The following EIF4B variants were observed in gnomAD, a reference collection of about 807,000 sequenced individuals.
EIF4B encodes eukaryotic translation initiation factor 4B.
EIF4B carries 8 observed loss-of-function variants against 79.3 expected under a neutral mutation model. That is an observed-to-expected ratio of 0.10 (90% CI 0.06 to 0.18). The LOEUF (loss-of-function observed/expected upper bound fraction) is 0.18, where lower values mean the gene tolerates loss of function less well. Among genes scored for constraint, EIF4B ranks in the 10% least tolerant of loss-of-function variants. The pLI, the probability that EIF4B is intolerant of heterozygous loss-of-function variation, is 1.00. For synonymous variants in EIF4B, 238 were observed against 274.7 expected (o/e 0.87, Z 1.32); for missense variants, 515 against 792.4 (o/e 0.65, Z 4.20).
intron 8 of EIF4B, among the ~76,000 whole-genome samples, chr12:53,031,534 A>G (rs935093532): frequency 3.3e-5 from 5 of 152,146 alleles, no homozygotes; most frequent in African/African-American, 1.2e-4. Flanking sequence ...CCCTCGGCCT[A>G]CCAAAGTGCT....
chr12:53,040,009 C>A, intron 14 of EIF4B, 134 bp from the exon 15 acceptor site: 1 of 1,001,470 alleles, frequency 1.0e-6, no homozygotes, highest in Non-Finnish European at 1.5e-6. Flanking sequence ...CTCCAATGGA[C>A]AATGCTGATG....
chr12:53,026,421 A>G (rs2120941174), intron 6 of EIF4B, among the ~76,000 whole-genome samples: 1 of 152,298 alleles, frequency 6.6e-6, no homozygotes, highest in South Asian at 2.1e-4. Flanking sequence ...TGTGTAAAAT[A>G]TAGTTTATAA....
chr12:53,016,453 T>TC lies in EIF4B; in HGVS notation c.14-19dup. The TC allele has an allele frequency of 1.2e-6, 2 of 1,611,946 alleles. No homozygotes were observed. Among genetic ancestry groups the TC allele is most frequent in the Non-Finnish European group, 1.7e-6 (2 of 1,179,788 alleles). On this transcript the variant is annotated intron_variant, in intron 1 of 14. Transcript: ENST00000262056. ...TACCTGAGTATTGGTGAATAATCTT[T>TC]CTCTTGCCTTTTAAAACAGCAAAAA...
intron 5 of EIF4B, 21 bp downstream of exon 5, chr12:53,021,881 T>G: frequency 6.2e-7 from 1 of 1,614,110 alleles, no homozygotes; most frequent in South Asian, 1.1e-5. Context: ...TGGTAGAGAT[T>G]TCTGTTTGGT....
intron 3 of EIF4B, 121 bp from the exon 4 acceptor site, chr12:53,019,788 AC>A: frequency 2.4e-6 from 2 of 841,422 alleles, no homozygotes; most frequent in South Asian, 3.3e-5. Flanking sequence ...TCCTGAGACA[AC>A]CATGTTCTTG....
chr12:53,014,961 A>G (rs561824217), intron 1 of EIF4B: 1 of 152,348 alleles, frequency 6.6e-6, no homozygotes, highest in South Asian at 2.1e-4. Flanking sequence ...CCACAAAGAA[A>G]GAGCAGTGTC....
Position 53,018,828 on chromosome 12 carries a change from A to G in EIF4B, c.182A>G (p.Asp61Gly). 1 of 1,613,208 alleles carries G rather than the reference A, an allele frequency of 6.2e-7. No individual in the cohort carries two copies. Among genetic ancestry groups the G allele is most frequent in the Non-Finnish European group, 8.5e-7 (1 of 1,179,848 alleles). Residue 61 changes from aspartate to glycine, a missense_variant, in exon 3 of 15, where the codon GAT (aspartate) becomes GGT (glycine). Coordinates refer to ENST00000262056, the MANE Select transcript of EIF4B (RefSeq NM_001417.7). ...ACCACTTGGCACAGTAACGATGACG[A>G]TGTGTATAGGGCGCCTCCAATTGAC... is the stretch of plus-strand genomic sequence containing the variant. ...VSTTWHSNDDDVYRAPPIDRS... is the reference protein window; with the variant it reads ...VSTTWHSNDDGVYRAPPIDRS...
chr12:53,023,131 A>C (rs973400005), intron 6 of EIF4B, among the ~76,000 whole-genome samples: 55 of 152,282 alleles, frequency 3.6e-4, no homozygotes, highest in Non-Finnish European at 5.4e-4. Context: ...GTCTCAAAAA[A>C]AAAAATCCAA....
intron 3 of EIF4B, among the ~76,000 whole-genome samples, chr12:53,019,429 A>ATTT (rs1555151897): frequency 2.5e-5 from 1 of 40,316 alleles, no homozygotes; most frequent in Admixed American, 4.0e-4. Flanking sequence ...AAAATTATAT[A>ATTT]TATATATATT....
intron 8 of EIF4B, 145 bp downstream of exon 8, chr12:53,028,333 T>G: frequency 8.5e-7 from 1 of 1,172,760 alleles, no homozygotes; most frequent in Non-Finnish European, 1.2e-6. Flanking sequence ...AGAAAGAGCA[T>G]TGGCTGGCCA....
chr12:53,029,382 T>A (rs893900961), intron 8 of EIF4B, among the ~76,000 whole-genome samples: 18 of 151,050 alleles, frequency 1.2e-4, no homozygotes, highest in African/African-American at 3.6e-4. Context: ...ATTTTATTTT[T>A]TTTTTTTTGA....
intron 6 of EIF4B, chr12:53,025,488 T>A (rs181624454): frequency 4.3e-6 from 1 of 229,912 alleles, no homozygotes; most frequent in East Asian, 1.3e-4. Flanking sequence ...AGTATTCCTA[T>A]GAAATGTCAG....
rs777573742 is a variant in EIF4B, at chr12:53,040,197, A to G, written c.1810A>G (p.Asn604Asp). 7 of 1,614,034 alleles carry G rather than the reference A, an allele frequency of 4.3e-6. No homozygotes were observed. Among genetic ancestry groups the G allele is most frequent in the Non-Finnish European group, 5.9e-6 (7 of 1,179,994 alleles). Reference protein sequence around the residue: ...AALSVDGEDENEGEDYAE With the variant: ...AALSVDGEDEDEGEDYAE ...TCTCTCTGTTGATGGTGAAGATGAA[A>G]ATGAGGGAGAAGATTATGCCGAATA... The change falls in exon 15 of 15, where the codon AAT (asparagine) becomes GAT (aspartate). Residue 604 changes from asparagine (N) to aspartate (D), a missense_variant. Asn to Asp is a conservative substitution (Grantham distance 23). This residue lies in a region of EIF4B where 60 missense variants were observed against 56.7 expected (regional missense o/e 1.06). Coordinates refer to ENST00000262056, the MANE Select transcript of EIF4B (RefSeq NM_001417.7).
intron 12 of EIF4B, chr12:53,039,008 A>G (rs1258440669): frequency 2.5e-6 from 1 of 401,002 alleles, no homozygotes; most frequent in East Asian, 4.5e-5. Context: ...GCTTTTCATG[A>G]TGGCATATCC....
At chr12:53,035,487 GC>G (rs2120978494) in intron 10 of EIF4B, among the ~76,000 whole-genome samples, 1 of 151,908 alleles carries the variant, frequency 6.6e-6, no homozygotes, top group East Asian at 1.9e-4. Flanking sequence ...TCCTGCCTCA[GC>G]CTCCCGAGTA....
At chr12:53,034,794 T>G in intron 10 of EIF4B, 85 bp downstream of exon 10, 1 of 1,459,686 alleles carries the variant, frequency 6.9e-7, no homozygotes, top group African/African-American at 1.4e-5. Flanking sequence ...CCTGCAATAT[T>G]TAAATTCAGT....
intron 8 of EIF4B, among the ~76,000 whole-genome samples, chr12:53,032,085 T>TA (rs1943456924): frequency 1.3e-5 from 2 of 152,214 alleles, no homozygotes; most frequent in Non-Finnish European, 2.9e-5. Flanking sequence ...TGTTCAGTGT[T>TA]ACATGCTTTG....
In EIF4B at chr12:53,033,265, C is replaced by A. The variant is rs373582626; in HGVS notation, c.980-541C>A. On this transcript the variant is annotated intron_variant, in intron 8 of 14. Transcript: ENST00000262056. ...AACTCCCGACCCCAGGTGATCCACCCGCCTCGGCCTCCCAAAGTATCGGGA... is the reference window on the plus strand; with the variant it reads ...AACTCCCGACCCCAGGTGATCCACCAGCCTCGGCCTCCCAAAGTATCGGGA... Among the ~76,000 whole-genome samples the A allele has an allele frequency of 1.9e-3, 290 of 152,000 alleles. 3 individuals carry two copies. The highest frequency in any genetic ancestry group is 6.8e-3 in the African/African-American group (280 of 41,456).
chr12:53,039,573 G>A, intron 13 of EIF4B, 57 bp from the exon 14 acceptor site: 1 of 1,586,866 alleles, frequency 6.3e-7, no homozygotes, highest in Non-Finnish European at 8.6e-7. Context: ...GCATACACAT[G>A]TTTGTATTAG....
Sources: gnomAD v4.1 joint callset for allele counts (sites outside exome capture counted in the v4.1 genomes callset) on GRCh38, gnomAD v4.1.1 for gene constraint, gnomAD v4.1.1 regional missense constraint, MANE v1.5 for transcripts, NCBI Gene and HGNC (gene_info 2026-07-23, HGNC 2026-07-21) for gene names.